EFHC1: variants seen among roughly 807,000 people sequenced by gnomAD.
EFHC1 encodes the protein EF-hand domain-containing protein 1.
A neutral mutation model predicts 69.9 loss-of-function variants in EFHC1; 53 were observed. The observed-to-expected ratio is 0.76, with a 90% CI of 0.61 to 0.95. The LOEUF (loss-of-function observed/expected upper bound fraction) is 0.95, where lower values mean the gene tolerates loss of function less well. EFHC1 is among the 40% of genes least tolerant of loss of function. The probability of loss-of-function intolerance (pLI) is 0.00; values close to 1 mark genes in which losing one functional copy is unlikely to be tolerated. For missense variants in EFHC1, 739 were observed against 798.7 expected (o/e 0.93, Z 0.90); for synonymous variants, 256 against 278.4 (o/e 0.92, Z 0.80).
chr6:52,479,609 C>G, intron 8 of EFHC1, 31 bp from the exon 9 acceptor site: 2 of 1,614,096 alleles, frequency 1.2e-6, no homozygotes, highest in Non-Finnish European at 1.7e-6. Context: ...AGAACATCAC[C>G]AAGCTAAGTG....
Position 52,492,285 on chromosome 6 carries a change from T to C in EFHC1, c.1867T>C (p.Ser623Pro). The C allele has an allele frequency of 3.1e-6, 5 of 1,614,028 alleles. No individual in the cohort carries two copies. Among genetic ancestry groups the C allele is most frequent in the Non-Finnish European group, 4.2e-6 (5 of 1,179,942 alleles). ...SLVKELIRMC[S>P]HGEGKINYYN... ...CTCTCTGCAGTTAATCAGGATGTGC[T>C]CTCATGGAGAAGGCAAAATTAACTA... Residue 623 changes from serine (S) to proline (P), a missense_variant, in exon 11 of 11, where the codon TCT (serine) becomes CCT (proline). Ser to Pro is a moderately conservative substitution (Grantham distance 74, BLOSUM62 -1). Transcript: ENST00000371068.
At chr6:52,435,500 T>G (rs1243868676) in intron 2 of EFHC1, among the ~76,000 whole-genome samples, 1 of 152,214 alleles carries the variant, frequency 6.6e-6, no homozygotes, top group Admixed American at 6.5e-5. Flanking sequence ...CTCCTTATGT[T>G]TACATTTCTA....
rs1006754888 is a variant in EFHC1 at position 52,453,720 on chromosome 6, C to T, written c.724-375C>T. 7 of 1,245,156 alleles carry T rather than the reference C, an allele frequency of 5.6e-6. No individual in the cohort carries two copies. The African/African-American group carries it at 1.1e-4, about 20-fold the overall frequency. 77.1% of individuals were successfully genotyped at this position (1,245,156 alleles called of 1,614,324 possible). The stretch of plus-strand genomic sequence containing the variant: ...GGTTAATAAATAAAAATTTTTTCTA[C>T]ACTAATTATATATAAACCATATTCA... On this transcript the variant is annotated intron_variant, in intron 4 of 10. Transcript: ENST00000371068.
At chr6:52,453,492 C>G (rs1224869705) in intron 4 of EFHC1, 3 of 1,286,902 alleles carry the variant, frequency 2.3e-6, no homozygotes, top group Admixed American at 4.6e-5. Context: ...ACATTTAACC[C>G]CTTTTAGTTC....
At chr6:52,470,710 G>A (rs1765418281) in intron 7 of EFHC1, among the ~76,000 whole-genome samples, 1 of 152,180 alleles carries the variant, frequency 6.6e-6, no homozygotes, top group African/African-American at 2.4e-5. Flanking sequence ...TTAGAAAAGG[G>A]AAAGGAACTC....
chr6:52,491,776 T>A (rs1228598604), intron 10 of EFHC1, among the ~76,000 whole-genome samples: 1 of 152,252 alleles, frequency 6.6e-6, no homozygotes, highest in Non-Finnish European at 1.5e-5. Flanking sequence ...CCCGAGCTGC[T>A]ACAGCCCTTC....
intron 7 of EFHC1, among the ~76,000 whole-genome samples, chr6:52,471,438 CA>C (rs1765433170): frequency 6.6e-6 from 1 of 152,142 alleles, no homozygotes. Context: ...TTTAAAAATA[CA>C]ATGTGTGGCA....
chr6:52,485,029 G>A (rs1351317916), intron 9 of EFHC1: 2 of 151,852 alleles, frequency 1.3e-5, no homozygotes, highest in South Asian at 2.1e-4. Context: ...TTCCACAGAT[G>A]TTAAAATGTA....
chr6:52,484,292 T>C (rs941323587), intron 9 of EFHC1: 2 of 152,218 alleles, frequency 1.3e-5, no homozygotes, highest in African/African-American at 4.8e-5. Context: ...CCAAAGAGTT[T>C]TTATGTGTTT....
chr6:52,457,489 A>G (rs989863529), intron 5 of EFHC1, among the ~76,000 whole-genome samples: 1 of 152,224 alleles, frequency 6.6e-6, no homozygotes, highest in African/African-American at 2.4e-5. Context: ...AGACAGTAAT[A>G]GGAAATTATG....
chr6:52,424,969 T>G (rs1022735201), intron 2 of EFHC1, among the ~76,000 whole-genome samples: 1 of 152,242 alleles, frequency 6.6e-6, no homozygotes, highest in African/African-American at 2.4e-5. Context: ...GTTTCTTTTC[T>G]TGTCTTAATT....
intron 7 of EFHC1, among the ~76,000 whole-genome samples, chr6:52,477,107 C>T (rs1765560496): frequency 6.6e-6 from 1 of 151,368 alleles, no homozygotes; most frequent in African/African-American, 2.4e-5. Context: ...TACCATTGTC[C>T]CCCCCAACCC....
At chr6:52,429,645 C>G (rs2113971490) in intron 2 of EFHC1, among the ~76,000 whole-genome samples, 1 of 152,136 alleles carries the variant, frequency 6.6e-6, no homozygotes. Context: ...CAGGTTTATT[C>G]TTTTTGCTTA....
At chr6:52,465,629 A>T (rs1459605014) in intron 6 of EFHC1, among the ~76,000 whole-genome samples, 3 of 151,858 alleles carry the variant, frequency 2.0e-5, no homozygotes, top group African/African-American at 7.3e-5. Flanking sequence ...CAACGTAGTG[A>T]AACCTTGTCT....
In EFHC1 at chr6:52,490,311, A is replaced by C. The variant is rs369503191; in HGVS notation, c.1812A>C (p.Glu604Asp). Residue 604 changes from glutamate (E) to aspartate (D), a missense_variant, in exon 10 of 11, where the codon GAA becomes GAC. By Grantham distance (45) the Glu-to-Asp change is conservative. Coordinates refer to ENST00000371068, the MANE Select transcript of EFHC1 (RefSeq NM_018100.4). The stretch of plus-strand genomic sequence containing the variant: ...GAGACATGTTCTTTAAAATCTGTGA[A>C]TCGCTTAACGTCCCAGTGGATGACT... ...VDRDMFFKIC[E>D]SLNVPVDDSL... 7.2e-4 allele frequency: 1,156 copies of C among 1,614,168 alleles called. 32 individuals carry two copies. In the South Asian group the frequency reaches 0.011, roughly 16 times the overall value.
chr6:52,421,034 A>T (rs12193402), intron 1 of EFHC1: 2 of 1,002,682 alleles, frequency 2.0e-6, no homozygotes, highest in Non-Finnish European at 2.4e-6. Context: ...CCTGTTTTGT[A>T]TGTATATCGA....
Position 52,493,945 on chromosome 6 carries a change from GCTCAGCCACTTGTAA to G in EFHC1, c.*1606_*1620del. The G allele has an allele frequency of 4.4e-6, 2 of 454,050 alleles. No individual in the cohort carries two copies. Among genetic ancestry groups the G allele is most frequent in the Non-Finnish European group, 8.8e-6 (2 of 226,782 alleles). 28.1% of individuals were successfully genotyped at this position (454,050 alleles called of 1,614,324 possible). On this transcript the variant is annotated 3_prime_UTR_variant, in exon 11 of 11. Transcript: ENST00000371068. ...CCCTTGGTGTTTCCTTCCCTAACGA[GCTCAGCCACTTGTAA>G]CCAGCTTATTGAAAGGGCTGTGAAT...
At position 52,479,095 on chromosome 6, in the gene EFHC1, C is replaced by T. The variant is rs753032457; in HGVS notation, c.1337C>T (p.Thr446Ile). Residue 446 changes from threonine to isoleucine, a missense_variant, in exon 8 of 11, where the codon ACC (threonine) becomes ATC (isoleucine). By Grantham distance (89) the Thr-to-Ile change is moderately conservative (BLOSUM62 -1). Transcript: ENST00000371068. ...TTTGTCTTCTCTTACTTTCTAGCTA[C>T]CGACATGATCAGTATCTTTGAGCCT... ...RRFVFSYFLA[T>I]DMISIFEPPV... 2 of 1,614,134 alleles carry T rather than the reference C, an allele frequency of 1.2e-6. No homozygotes were observed. The highest frequency in any genetic ancestry group is 1.7e-5 in the Admixed American group (1 of 60,018).
chr6:52,445,202 G>A (rs1363946242), intron 3 of EFHC1, among the ~76,000 whole-genome samples: 2 of 149,246 alleles, frequency 1.3e-5, no homozygotes, highest in African/African-American at 4.9e-5. Context: ...TTCTTTATTA[G>A]TCTTGCTAGC....
Sources: gnomAD v4.1 joint callset for allele counts (sites outside exome capture counted in the v4.1 genomes callset) on GRCh38, gnomAD v4.1.1 for gene constraint, MANE v1.5 for transcripts, NCBI Gene and HGNC (gene_info 2026-07-23, HGNC 2026-07-21) for gene names.